Variants in IKBKB observed in about 807,000 individuals in gnomAD.
The protein encoded by IKBKB is inhibitor of nuclear factor kappa-B kinase subunit beta.
IKBKB carries 42 observed loss-of-function variants against 113.6 expected under a neutral mutation model. The ratio of observed to expected loss-of-function variants is 0.37; its 90% CI spans 0.29 to 0.48. IKBKB has a LOEUF of 0.48. Among genes scored for constraint, IKBKB ranks in the 20% least tolerant of loss-of-function variants. The probability of loss-of-function intolerance (pLI) is 0.99; values close to 1 mark genes in which losing one functional copy is unlikely to be tolerated. For synonymous variants in IKBKB, 296 were observed against 361.3 expected (o/e 0.82, Z 2.05); for missense variants, 673 against 939.7 (o/e 0.72, Z 3.71).
Position 42,271,371 on chromosome 8 carries a change from A to C in IKBKB, c.-117A>C. 2 of 1,493,260 alleles carry C rather than the reference A, an allele frequency of 1.3e-6. No individual in the cohort carries two copies. The highest frequency in any genetic ancestry group is 1.8e-6 in the Non-Finnish European group (2 of 1,109,492). 92.5% of individuals were successfully genotyped at this position (1,493,260 alleles called of 1,614,324 possible). The stretch of plus-strand genomic sequence containing the variant: ...CCCGCGTTAAGATTCCCGCATTTTA[A>C]TGTTTTCAGGGGGGTGTCATAGCCC... On this transcript the variant is annotated 5_prime_UTR_variant, in exon 1 of 22. An upstream start codon of the reference 5' UTR is lost. Transcript: ENST00000520810.
At chr8:42,288,406 G>A (rs958511683) in intron 2 of IKBKB, among the ~76,000 whole-genome samples, 1 of 150,210 alleles carries the variant, frequency 6.7e-6, no homozygotes, top group South Asian at 2.1e-4. Context: ...AAAAAAAAGA[G>A]AGAGAAAGAA....
intron 11 of IKBKB, 113 bp from the exon 12 acceptor site, chr8:42,317,544 C>T (rs1251584263): frequency 2.8e-6 from 2 of 725,770 alleles, no homozygotes; most frequent in Non-Finnish European, 4.9e-6. Flanking sequence ...TACTTGCTGG[C>T]TGAAGATGAT....
In IKBKB at chr8:42,319,626, G is replaced by C. The variant is rs201028048; in HGVS notation, c.1558G>C (p.Ala520Pro). Reference sequence around the variant, plus strand: ...GCTGGCCTGGAGGGAAATGGAGCAGGCTGTGGAGCTCTGTGGGCGGGTAGG... The same window carrying C: ...GCTGGCCTGGAGGGAAATGGAGCAGCCTGTGGAGCTCTGTGGGCGGGTAGG... ...LLLAWREMEQ[A>P]VELCGRENEV... The change falls in exon 15 of 22, where the codon GCT (alanine) becomes CCT (proline). Residue 520 changes from alanine to proline, a missense_variant. Physicochemically the swap from Ala to Pro is conservative, Grantham distance 27. Around this residue, in one of 2 missense-constraint regions of IKBKB, gnomAD observed 506 missense variants for 638.7 expected, o/e 0.79. Transcript: ENST00000520810. 6.3e-7 allele frequency: 1 copy of C among 1,593,580 alleles called. No individual in the cohort carries two copies. The highest frequency in any genetic ancestry group is 8.5e-7 in the Non-Finnish European group (1 of 1,173,422).
intron 5 of IKBKB, among the ~76,000 whole-genome samples, chr8:42,295,373 C>G (rs1813543723): frequency 6.6e-6 from 1 of 152,178 alleles, no homozygotes; most frequent in African/African-American, 2.4e-5. Flanking sequence ...CCCATCTCAG[C>G]TTCCCAAAGT....
chr8:42,330,308 A>G (rs1469762096), intron 21 of IKBKB: 1 of 983,484 alleles, frequency 1.0e-6, no homozygotes, highest in African/African-American at 1.7e-5. Flanking sequence ...TGCAGTCACA[A>G]GATTTATTAA....
intron 8 of IKBKB, among the ~76,000 whole-genome samples, chr8:42,312,555 C>G (rs978616695): frequency 1.3e-5 from 2 of 152,204 alleles, no homozygotes; most frequent in African/African-American, 4.8e-5. Flanking sequence ...TTGGGCTTTA[C>G]AATTCTATTA....
chr8:42,313,444 A>T (rs551581838), intron 8 of IKBKB, among the ~76,000 whole-genome samples: 228 of 152,086 alleles, frequency 1.5e-3, no homozygotes, highest in African/African-American at 2.8e-3. Context: ...GAAAAAAAAA[A>T]TTTTTTTACC....
At chr8:42,325,869 C>G (rs1820642814) in intron 19 of IKBKB, 101 bp from the exon 20 acceptor site, 1 of 1,558,424 alleles carries the variant, frequency 6.4e-7, no homozygotes, top group South Asian at 1.2e-5. Context: ...TAGCTCTGGC[C>G]TCTGGCAGCC....
intron 5 of IKBKB, among the ~76,000 whole-genome samples, chr8:42,294,090 C>T (rs748735664): frequency 1.3e-5 from 2 of 152,274 alleles, no homozygotes; most frequent in South Asian, 2.1e-4. Context: ...GAGGGCTGGG[C>T]GCTAAAGGTC....
In IKBKB at chr8:42,316,059, T is replaced by C. The variant is rs1818624495; in HGVS notation, c.801-151T>C. On this transcript the variant is annotated intron_variant, in intron 9 of 21. Coordinates refer to ENST00000520810, the MANE Select transcript of IKBKB (RefSeq NM_001556.3). This position sits in a 1 kb window ranked among gnomAD's most constrained non-coding sequence, Gnocchi z 4.5. Reference sequence around the variant, plus strand: ...AGAGAGGTGTGAACACCTGAATAATTGATTGGAAATGTTTATACTGTTTCT... The same window carrying C: ...AGAGAGGTGTGAACACCTGAATAATCGATTGGAAATGTTTATACTGTTTCT... 1 of 787,856 alleles carries C rather than the reference T, an allele frequency of 1.3e-6. No homozygotes were observed. The highest frequency in any genetic ancestry group is 1.7e-5 in the African/African-American group (1 of 57,218). The allele number at this position is 787,856 out of a possible 1,614,324, so 48.8% of individuals were successfully genotyped here.
intron 5 of IKBKB, among the ~76,000 whole-genome samples, chr8:42,301,372 T>G (rs1196562409): frequency 2.0e-5 from 3 of 152,252 alleles, no homozygotes; most frequent in African/African-American, 7.2e-5. Flanking sequence ...AATGTCTCAT[T>G]TTTCATCAAA....
intron 2 of IKBKB, among the ~76,000 whole-genome samples, chr8:42,280,370 C>G (rs1026140673): frequency 6.6e-6 from 1 of 152,110 alleles, no homozygotes; most frequent in Non-Finnish European, 1.5e-5. Context: ...AAACCACTTC[C>G]CAGTACCGTT....
chr8:42,317,938 A>G (rs375728502), intron 12 of IKBKB, among the ~76,000 whole-genome samples, 167 bp downstream of exon 12: 2 of 152,244 alleles, frequency 1.3e-5, no homozygotes, highest in East Asian at 3.9e-4. Context: ...GTAGCCAGGC[A>G]AGAGAGAGTA....
intron 2 of IKBKB, among the ~76,000 whole-genome samples, chr8:42,280,173 A>G (rs375348532): frequency 6.6e-6 from 1 of 152,096 alleles, no homozygotes; most frequent in African/African-American, 2.4e-5. Flanking sequence ...GGAGGACAAA[A>G]CACTTATAAG....
rs1348348113 is a variant in IKBKB, at chr8:42,327,879, C to T, written c.2115-1245C>T. Among the ~76,000 whole-genome samples the T allele has an allele frequency of 4.0e-4, 13 of 32,252 alleles. 2 individuals carry two copies. The highest frequency in any genetic ancestry group is 6.2e-4 in the African/African-American group (13 of 20,928). The allele number at this position is 32,252 out of a possible 152,430, so 21.2% of individuals were successfully genotyped here. On this transcript the variant is annotated intron_variant, in intron 20 of 21. Coordinates refer to ENST00000520810, the MANE Select transcript of IKBKB (RefSeq NM_001556.3). ...ACTGCGGACTGCAGTGGCGCAATCT[C>T]GGCTCACTGCAAGCTCCGCTTCCCG...
At chr8:42,314,213 G>GT in intron 8 of IKBKB, 109 bp from the exon 9 acceptor site, 1 of 807,008 alleles carries the variant, frequency 1.2e-6, no homozygotes, top group Non-Finnish European at 2.2e-6. Context: ...AACCATCTAG[G>GT]TTTGTGTTAT....
rs1807806228 is a variant in IKBKB at position 42,271,784 on chromosome 8, C to T, written c.-18-299C>T. 9.8e-6 allele frequency: 5 copies of T among 512,224 alleles called. No homozygotes were observed. In the South Asian group the frequency reaches 1.3e-4, roughly 13 times the overall value. The allele number at this position is 512,224 out of a possible 1,614,324, so 31.7% of individuals were successfully genotyped here. ...GCAGAAGGCGGGCAGGCCCGGGCGC[C>T]CCTGGTGGAGTCAGCTGGGGATCCC... On this transcript the variant is annotated intron_variant, in intron 1 of 21. Coordinates refer to ENST00000520810, the MANE Select transcript of IKBKB (RefSeq NM_001556.3).
intron 4 of IKBKB, 152 bp from the exon 5 acceptor site, chr8:42,293,291 A>T: frequency 1.2e-6 from 1 of 844,478 alleles, no homozygotes; most frequent in Non-Finnish European, 1.9e-6. Context: ...AATCCCTGCT[A>T]GTTCTGCAGC....
In IKBKB at chr8:42,316,600, G is replaced by T; in HGVS notation, c.931-110G>T. On this transcript the variant is annotated intron_variant, in intron 10 of 21. Transcript: ENST00000520810. The surrounding 1 kb of genome is among the most constrained non-coding windows in gnomAD (Gnocchi z 4.5). ...CCTCCCTCCCTCAAGCTAGGCCCTTGCTTTGTGTGGTTGGGAAATGTTGGG... is the reference window on the plus strand; with the variant it reads ...CCTCCCTCCCTCAAGCTAGGCCCTTTCTTTGTGTGGTTGGGAAATGTTGGG... The T allele has an allele frequency of 9.1e-7, 1 of 1,096,260 alleles. No homozygotes were observed. The allele number at this position is 1,096,260 out of a possible 1,614,324, so 67.9% of individuals were successfully genotyped here.
Sources: gnomAD v4.1 joint callset for allele counts (sites outside exome capture counted in the v4.1 genomes callset) on GRCh38, gnomAD v4.1.1 for gene constraint, gnomAD v4.1.1 regional missense constraint, Gnocchi (gnomAD v3.1) non-coding constraint, MANE v1.5 for transcripts, NCBI Gene and HGNC (gene_info 2026-07-23, HGNC 2026-07-21) for gene names.